The following CLDN10 variants were observed in gnomAD, a reference collection of about 807,000 sequenced individuals.
CLDN10 encodes claudin 10.
A neutral mutation model predicts 22.9 loss-of-function variants in CLDN10; 15 were observed. That is an observed-to-expected ratio of 0.65 (90% CI 0.44 to 1.01). The LOEUF (loss-of-function observed/expected upper bound fraction) is 1.01. Among genes scored for constraint, CLDN10 ranks in the 50% least tolerant of loss-of-function variants. CLDN10 has a pLI of 0.00. For synonymous variants in CLDN10, 114 were observed against 111.4 expected (o/e 1.02, Z -0.15); for missense variants, 247 against 287.8 (o/e 0.86, Z 1.03).
upstream of CLDN10, among the ~76,000 whole-genome samples, chr13:95,550,820 C>CTTTTT (rs56225257): frequency 2.1e-4 from 18 of 85,548 alleles, no homozygotes; most frequent in African/African-American, 2.3e-4. Flanking sequence ...TAGGAAGATA[C>CTTTTT]TTTTTTTTTT....
chr13:95,486,862 A>G (rs1439268364), intron 1 of CLDN10, among the ~76,000 whole-genome samples: 1 of 152,206 alleles, frequency 6.6e-6, no homozygotes, highest in African/African-American at 2.4e-5. Flanking sequence ...AGTGTTCAAC[A>G]TGGTGCCTGA....
chr13:95,568,549 C>G (rs2138673497), intron 3 of CLDN10, among the ~76,000 whole-genome samples: 1 of 152,252 alleles, frequency 6.6e-6, no homozygotes, highest in East Asian at 1.9e-4. Flanking sequence ...CCTTCAGAAC[C>G]TGCATTTTGG....
chr13:95,560,552 CTT>C (rs1400593231), intron 3 of CLDN10, 89 bp downstream of exon 3: 6 of 1,040,282 alleles, frequency 5.8e-6, no homozygotes, highest in Non-Finnish European at 8.6e-6. Flanking sequence ...TCCTATATGA[CTT>C]TTGAAAGTAA....
intron 1 of CLDN10, among the ~76,000 whole-genome samples, chr13:95,469,696 C>T (rs1293066925): frequency 6.6e-6 from 1 of 152,180 alleles, no homozygotes; most frequent in Admixed American, 6.5e-5. Flanking sequence ...TGAAGCGGAT[C>T]ATCATGAGCC....
At chr13:95,555,720 G>A (rs2043630408) in intron 1 of CLDN10, among the ~76,000 whole-genome samples, 1 of 152,182 alleles carries the variant, frequency 6.6e-6, no homozygotes, top group East Asian at 1.9e-4. Flanking sequence ...ACATCTTGGA[G>A]GGTTAAATCA....
chr13:95,576,929 G>A (rs2043938215), intron 3 of CLDN10, among the ~76,000 whole-genome samples: 1 of 152,184 alleles, frequency 6.6e-6, no homozygotes, highest in Admixed American at 6.5e-5. Flanking sequence ...CAAGGTTAAG[G>A]CAGCGTGCAG....
intron 1 of CLDN10, among the ~76,000 whole-genome samples, chr13:95,516,984 TTCCTTCC>T (rs1566312301): frequency 8.5e-5 from 3 of 35,436 alleles, no homozygotes; most frequent in Non-Finnish European, 2.2e-4. Context: ...CCTTCCTTCC[TTCCTTCC>T]TTCCTTCCTT....
At chr13:95,470,501 G>T (rs1333297711) in intron 1 of CLDN10, among the ~76,000 whole-genome samples, 2 of 152,136 alleles carry the variant, frequency 1.3e-5, no homozygotes, top group Non-Finnish European at 2.9e-5. Flanking sequence ...TACACAAAGA[G>T]ATACAACATG....
intron 1 of CLDN10, among the ~76,000 whole-genome samples, chr13:95,512,650 C>A (rs1015084881): frequency 6.6e-6 from 1 of 152,310 alleles, no homozygotes; most frequent in East Asian, 1.9e-4. Flanking sequence ...GCCATGTCCC[C>A]CAGTCACCTG....
At chr13:95,496,228 G>T (rs543155023) in intron 1 of CLDN10, among the ~76,000 whole-genome samples, 1 of 152,128 alleles carries the variant, frequency 6.6e-6, no homozygotes, top group African/African-American at 2.4e-5. Flanking sequence ...ACACATTCAC[G>T]TCTGACGCAT....
Position 95,520,036 on chromosome 13 carries a change from G to T in CLDN10, c.215-40096G>T, listed in dbSNP as rs533980190. ...GAATATAGTGTGTGTGTGTGCACGT[G>T]CGTACGCGTGCATGTGTGTGTGTTT... On this transcript the variant is annotated intron_variant, in intron 1 of 4. Coordinates refer to the CLDN10 transcript ENST00000376873. Among the ~76,000 whole-genome samples, 4 of 152,272 alleles carry T rather than the reference G, an allele frequency of 2.6e-5. No individual in the cohort carries two copies. In the South Asian group the frequency reaches 8.3e-4, roughly 32 times the overall value.
At chr13:95,521,648 C>T (rs529515949) in intron 1 of CLDN10, among the ~76,000 whole-genome samples, 6 of 152,090 alleles carry the variant, frequency 3.9e-5, no homozygotes, top group Admixed American at 2.0e-4. Context: ...ATTTTCCTTT[C>T]TTTTATAATG....
At chr13:95,531,557 G>T (rs541202449) in intron 1 of CLDN10, among the ~76,000 whole-genome samples, 1 of 151,752 alleles carries the variant, frequency 6.6e-6, no homozygotes, top group Non-Finnish European at 1.5e-5. Context: ...TTGAGACAGG[G>T]TCTCACTCTG....
rs112552974 is a variant in CLDN10 at position 95,539,183 on chromosome 13, T to C, written c.215-20949T>C. Among the ~76,000 whole-genome samples, 56 of 152,238 alleles carry C rather than the reference T, an allele frequency of 3.7e-4. 1 individual carries two copies. The highest frequency in any genetic ancestry group is 1.3e-3 in the African/African-American group (54 of 41,552). On this transcript the variant is annotated intron_variant, in intron 1 of 4. Transcript: ENST00000376873. ...CGTGAGCCACCGTGCCCAGCTGAACTTTGTTACATTTCTAAAACATTTTAT... is the reference window on the plus strand; with the variant it reads ...CGTGAGCCACCGTGCCCAGCTGAACCTTGTTACATTTCTAAAACATTTTAT...
chr13:95,552,597 G>A, upstream of CLDN10: 1 of 869,134 alleles, frequency 1.2e-6, no homozygotes, highest in East Asian at 3.2e-5. Flanking sequence ...GGGTGTGAGG[G>A]GTCGCGTGCG....
rs879803721 is a variant in CLDN10 at position 95,578,146 on chromosome 13, TTGTATGGA to T, written c.*137_*144del. Reference sequence around the variant, plus strand: ...AATATGCATTTGAAGCATCTGTTGATTGTATGGATGTAAGTGTTCTTACATAGTTAGTT... The same window carrying T: ...AATATGCATTTGAAGCATCTGTTGATTGTAAGTGTTCTTACATAGTTAGTT... On this transcript the variant is annotated 3_prime_UTR_variant, in exon 5 of 5. Transcript: ENST00000299339. The T allele has an allele frequency of 5.2e-6, 3 of 582,196 alleles. No individual in the cohort carries two copies. Among genetic ancestry groups the T allele is most frequent in the African/African-American group, 1.9e-5 (1 of 53,106 alleles). 36.1% of individuals were successfully genotyped at this position (582,196 alleles called of 1,614,324 possible).
At chr13:95,460,756 G>T (rs12865167) in intron 1 of CLDN10, among the ~76,000 whole-genome samples, 4 of 151,636 alleles carry the variant, frequency 2.6e-5, no homozygotes, top group Admixed American at 1.3e-4. Context: ...CCTCCCACCT[G>T]AGCCTCTCTC....
At chr13:95,563,639 T>A (rs933939142) in intron 3 of CLDN10, among the ~76,000 whole-genome samples, 1 of 152,194 alleles carries the variant, frequency 6.6e-6, no homozygotes, top group African/African-American at 2.4e-5. Context: ...TCCTCCATGA[T>A]TTCAACAAAA....
At chr13:95,470,551 T>C (rs2042619788) in intron 1 of CLDN10, among the ~76,000 whole-genome samples, 1 of 152,164 alleles carries the variant, frequency 6.6e-6, no homozygotes, top group Admixed American at 6.5e-5. Flanking sequence ...AAGTTCAGTC[T>C]CTATTTACAG....
Sources: gnomAD v4.1 joint callset for allele counts (sites outside exome capture counted in the v4.1 genomes callset) on GRCh38, gnomAD v4.1.1 for gene constraint, MANE v1.5 for transcripts, NCBI Gene and HGNC (gene_info 2026-07-23, HGNC 2026-07-21) for gene names.